The following CNBD1 variants were observed in gnomAD, a reference collection of about 807,000 sequenced individuals.
CNBD1 encodes cyclic nucleotide-binding domain-containing protein 1.
Under a neutral mutation model 54.4 loss-of-function variants are expected in CNBD1, and 71 were observed. That is an observed-to-expected ratio of 1.30 (90% CI 1.08 to 1.59). The LOEUF is 1.59. Among genes scored for constraint, CNBD1 ranks in the 40% most tolerant of loss-of-function variants. The probability of loss-of-function intolerance (pLI) is 0.00; values close to 1 mark genes in which losing one functional copy is unlikely to be tolerated. For synonymous variants in CNBD1, 182 were observed against 170.7 expected (o/e 1.07, Z -0.51); for missense variants, 659 against 518.0 (o/e 1.27, Z -2.64).
intron 2 of CNBD1, among the ~76,000 whole-genome samples, chr8:86,896,128 A>G (rs115502398): frequency 0.021 from 3,163 of 152,240 alleles, 105 homozygotes; most frequent in African/African-American, 0.073. Flanking sequence ...TTTAAAATTC[A>G]TAAGGAAACA....
At chr8:86,984,650 G>A (rs1808564058) in intron 4 of CNBD1, among the ~76,000 whole-genome samples, 3 of 152,170 alleles carry the variant, frequency 2.0e-5, no homozygotes, top group Admixed American at 2.0e-4. Flanking sequence ...TCATTTTAAA[G>A]CTTTAGGATT....
intron 6 of CNBD1, among the ~76,000 whole-genome samples, chr8:87,267,290 A>G (rs72666811): frequency 6.6e-6 from 1 of 151,940 alleles, no homozygotes; most frequent in African/African-American, 2.4e-5. Context: ...AATAATTTGT[A>G]CATTTAAAAA....
chr8:87,391,247 AAAG>A (rs1304325947), intron 2 of CNBD1, among the ~76,000 whole-genome samples: 7 of 152,088 alleles, frequency 4.6e-5, no homozygotes, highest in South Asian at 2.1e-4. Flanking sequence ...ATAATAAAAA[AAAG>A]AAATTTCAAA....
At chr8:86,968,108 C>T (rs1052245631) in intron 4 of CNBD1, among the ~76,000 whole-genome samples, 7 of 152,086 alleles carry the variant, frequency 4.6e-5, no homozygotes, top group Non-Finnish European at 1.0e-4. Context: ...ATTTGCCTTC[C>T]TCCTGGTGGA....
At chr8:87,305,861 C>A (rs1332836081) in intron 8 of CNBD1, among the ~76,000 whole-genome samples, 2 of 152,146 alleles carry the variant, frequency 1.3e-5, no homozygotes, top group South Asian at 2.1e-4. Context: ...ATTTCATGAC[C>A]AAGAACCCAA....
intron 3 of CNBD1, among the ~76,000 whole-genome samples, chr8:86,936,246 T>C (rs1033697464): frequency 3.3e-5 from 5 of 152,312 alleles, no homozygotes; most frequent in Non-Finnish European, 7.4e-5. Context: ...GAGAGCTACG[T>C]AATATAGCTT....
At chr8:87,231,214 T>C (rs1207958469) in intron 5 of CNBD1, among the ~76,000 whole-genome samples, 1 of 152,196 alleles carries the variant, frequency 6.6e-6, no homozygotes, top group African/African-American at 2.4e-5. Context: ...ATTTTAAACT[T>C]TTTAAGTGAA....
chr8:87,357,766 C>T (rs985243717), intron 10 of CNBD1, among the ~76,000 whole-genome samples: 2 of 152,084 alleles, frequency 1.3e-5, no homozygotes, highest in African/African-American at 4.8e-5. Flanking sequence ...GTGAGAAGGA[C>T]ATGAGATATG....
chr8:87,262,974 C>A (rs1469690279), intron 6 of CNBD1, among the ~76,000 whole-genome samples: 1 of 151,998 alleles, frequency 6.6e-6, no homozygotes, highest in Non-Finnish European at 1.5e-5. Flanking sequence ...AATAGAGTGA[C>A]TAAAGTAAGC....
intron 4 of CNBD1, among the ~76,000 whole-genome samples, chr8:87,003,996 T>C (rs1809045087): frequency 6.6e-6 from 1 of 152,176 alleles, no homozygotes. Flanking sequence ...GGAATGAATC[T>C]AGTAACACAC....
At chr8:87,053,626 T>C (rs1408904876) in intron 4 of CNBD1, among the ~76,000 whole-genome samples, 1 of 152,198 alleles carries the variant, frequency 6.6e-6, no homozygotes, top group Non-Finnish European at 1.5e-5. Flanking sequence ...CTTTTTTTCA[T>C]GGATCCCGAG....
chr8:86,962,803 CA>C (rs1278239040), intron 4 of CNBD1, among the ~76,000 whole-genome samples: 5 of 151,734 alleles, frequency 3.3e-5, no homozygotes, highest in Admixed American at 1.3e-4. Flanking sequence ...ACACAAAAAA[CA>C]AAAAACAAAA....
chr8:86,925,482 AGTGTGTGTGTGTGTGTGTGTGTGTGT>A (rs71275894), intron 3 of CNBD1, among the ~76,000 whole-genome samples: 4 of 141,730 alleles, frequency 2.8e-5, no homozygotes, highest in East Asian at 2.0e-4. Flanking sequence ...CTTACCAAAA[AGTGTGTGTGTGTGTGTGTGTGTGTGT>A]GTGTGTGTGT....
At chr8:87,398,754 A>G (rs1811450702) in intron 2 of CNBD1, among the ~76,000 whole-genome samples, 2 of 152,008 alleles carry the variant, frequency 1.3e-5, no homozygotes, top group Admixed American at 6.6e-5. Context: ...TCAGTACATT[A>G]GGAAGTAAAC....
chr8:86,920,315 A>G (rs1329773519), intron 3 of CNBD1, among the ~76,000 whole-genome samples: 1 of 152,198 alleles, frequency 6.6e-6, no homozygotes, highest in Non-Finnish European at 1.5e-5. Context: ...TTAATTAGGT[A>G]CTAAATCAGA....
intron 4 of CNBD1, among the ~76,000 whole-genome samples, chr8:86,991,458 A>ATGAATAAGAAATGAAT (rs1227131410): frequency 6.6e-6 from 1 of 152,000 alleles, no homozygotes; most frequent in Non-Finnish European, 1.5e-5. Context: ...ATTCTGTTGA[A>ATGAATAAGAAATGAAT]GAACCACCCT....
intron 6 of CNBD1, among the ~76,000 whole-genome samples, chr8:87,262,561 C>T (rs1294557467): frequency 1.3e-5 from 2 of 152,156 alleles, no homozygotes; most frequent in Admixed American, 6.5e-5. Context: ...TAAATTTGCT[C>T]TCTCTGTTTG....
chr8:87,206,138 G>A lies in CNBD1; in HGVS notation c.577G>A (p.Val193Met), dbSNP rs753812786. The change falls in exon 5 of 11, where the codon GTG (valine) becomes ATG (methionine). Residue 193 changes from valine (V) to methionine (M), a missense_variant and splice_region_variant. Physicochemically the swap from Val to Met is conservative, Grantham distance 21. Transcript: ENST00000518476. ...CGAAACCTGGTTGAAAGGCAGCACA[G>A]GTAATAGACTAATGTGGGATAAATT... The part of the protein sequence containing the change: ...FSETWLKGST[V>M]VANDGFYVIL... 6.4e-7 allele frequency: 1 copy of A among 1,571,054 alleles called. No individual in the cohort carries two copies. The highest frequency in any genetic ancestry group is 2.0e-5 in the Admixed American group (1 of 51,044).
intron 4 of CNBD1, among the ~76,000 whole-genome samples, chr8:87,127,929 G>A (rs141254108): frequency 8.0e-4 from 122 of 152,106 alleles, no homozygotes; most frequent in African/African-American, 2.2e-3. Context: ...TGCCATGCCC[G>A]CCTATCCTGT....
Sources: gnomAD v4.1 joint callset for allele counts (sites outside exome capture counted in the v4.1 genomes callset) on GRCh38, gnomAD v4.1.1 for gene constraint, MANE v1.5 for transcripts, NCBI Gene and HGNC (gene_info 2026-07-23, HGNC 2026-07-21) for gene names.